The following PDE4D variants were observed in gnomAD, a reference collection of about 807,000 sequenced individuals.
PDE4D encodes the protein phosphodiesterase 4D, also known as 3',5'-cyclic-AMP phosphodiesterase 4D.
In PDE4D, 24 loss-of-function variants were observed where a neutral mutation model predicts 87.4. That is an observed-to-expected ratio of 0.27 (90% CI 0.20 to 0.39). PDE4D has a LOEUF of 0.39. Ranked by LOEUF, PDE4D falls within the 10% of genes least tolerant of loss-of-function variation. PDE4D has a pLI of 1.00. For synonymous variants in PDE4D, 384 were observed against 383.2 expected (o/e 1.00, Z -0.02); for missense variants, 714 against 1,041.0 (o/e 0.69, Z 4.32).
chr5:60,390,042 C>T (rs1411178863), intron 1 of PDE4D, among the ~76,000 whole-genome samples: 1 of 152,196 alleles, frequency 6.6e-6, no homozygotes. Flanking sequence ...AGCATCCCTC[C>T]TATTTCCCAC....
intron 1 of PDE4D, among the ~76,000 whole-genome samples, chr5:59,335,875 G>A (rs1777565275): frequency 6.6e-6 from 1 of 152,174 alleles, no homozygotes; most frequent in Non-Finnish European, 1.5e-5. Context: ...CAGCCATTTG[G>A]AATAACTATG....
intron 1 of PDE4D, among the ~76,000 whole-genome samples, chr5:59,601,803 T>G (rs1414544937): frequency 6.6e-6 from 1 of 152,100 alleles, no homozygotes; most frequent in African/African-American, 2.4e-5. Flanking sequence ...GCCCCAAGTG[T>G]AAACTAGCTA....
intron 3 of PDE4D, among the ~76,000 whole-genome samples, chr5:59,188,550 C>T (rs1156600943): frequency 2.6e-5 from 4 of 151,648 alleles, no homozygotes; most frequent in African/African-American, 9.7e-5. Context: ...ACATCATAGC[C>T]TAAAAAAAAA....
At chr5:59,048,345 A>G (rs1761033360) in intron 5 of PDE4D, among the ~76,000 whole-genome samples, 1 of 152,232 alleles carries the variant, frequency 6.6e-6, no homozygotes, top group Admixed American at 6.5e-5. Context: ...ATCATATACT[A>G]TCAATCTTAG....
intron 1 of PDE4D, among the ~76,000 whole-genome samples, chr5:59,859,252 G>C (rs1745906416): frequency 6.6e-6 from 1 of 152,116 alleles, no homozygotes; most frequent in South Asian, 2.1e-4. Context: ...TTAAAGACAT[G>C]AGAGGTGCCT....
At chr5:60,258,559 C>A (rs1321073433) in intron 1 of PDE4D, among the ~76,000 whole-genome samples, 1 of 151,708 alleles carries the variant, frequency 6.6e-6, no homozygotes, top group East Asian at 1.9e-4. Context: ...AGCAGTTTGC[C>A]AATAAGTGTT....
chr5:60,293,057 G>A lies in PDE4D; in HGVS notation c.-89-107370C>T, dbSNP rs76475808. Among the ~76,000 whole-genome samples, 237 of 151,326 alleles carry A rather than the reference G, an allele frequency of 1.6e-3. 4 individuals carry two copies. Among genetic ancestry groups the A allele is most frequent in the Non-Finnish European group, 4.4e-4 (30 of 67,870 alleles). Reference sequence around the variant, plus strand: ...GTTTCACTCTTTCACCCACGCTAGAGTGAAGTGTTATGATCTCGGCTCACT... The same window carrying A: ...GTTTCACTCTTTCACCCACGCTAGAATGAAGTGTTATGATCTCGGCTCACT... On this transcript the variant is annotated intron_variant, in intron 1 of 16. Coordinates refer to the PDE4D transcript ENST00000502484.
At chr5:60,243,720 T>C (rs181794556) in intron 1 of PDE4D, among the ~76,000 whole-genome samples, 444 of 152,000 alleles carry the variant, frequency 2.9e-3, no homozygotes, top group African/African-American at 0.01. Context: ...ACCATTTCAA[T>C]TGATGCTGAA....
intron 1 of PDE4D, among the ~76,000 whole-genome samples, chr5:60,431,549 T>C (rs552700891): frequency 1.6e-3 from 218 of 138,490 alleles, no homozygotes; most frequent in African/African-American, 5.9e-3. Context: ...ACTTCCTAGA[T>C]GGGATGGCGG....
intron 3 of PDE4D, among the ~76,000 whole-genome samples, chr5:59,918,186 C>T (rs1455482349): frequency 1.3e-5 from 2 of 151,502 alleles, no homozygotes; most frequent in African/African-American, 4.8e-5. Context: ...AAAAAATAAG[C>T]TTTATACTCA....
intron 1 of PDE4D, among the ~76,000 whole-genome samples, chr5:59,327,132 TACACACACACACACACACACAC>T (rs3061651): frequency 7.1e-6 from 1 of 141,780 alleles, no homozygotes. Context: ...GAAACAGAAA[TACACACACACACACACACACAC>T]ACACACACAC....
intron 1 of PDE4D, among the ~76,000 whole-genome samples, chr5:59,657,054 TG>T (rs1216844916): frequency 1.3e-5 from 2 of 152,178 alleles, no homozygotes; most frequent in Admixed American, 6.5e-5. Context: ...ATTCAATAAA[TG>T]GTAGCTACTA....
chr5:59,180,946 G>A (rs1228405591), intron 4 of PDE4D, among the ~76,000 whole-genome samples: 1 of 152,168 alleles, frequency 6.6e-6, no homozygotes, highest in African/African-American at 2.4e-5. Context: ...TTTATTCGCT[G>A]AAGCCAGAGC....
chr5:60,332,358 G>T (rs994212877), intron 1 of PDE4D, among the ~76,000 whole-genome samples: 1 of 152,062 alleles, frequency 6.6e-6, no homozygotes, highest in Non-Finnish European at 1.5e-5. Context: ...GGAGTCCCCA[G>T]TATCTATTGT....
At chr5:59,579,642 C>T (rs778202510) in intron 1 of PDE4D, among the ~76,000 whole-genome samples, 2 of 152,140 alleles carry the variant, frequency 1.3e-5, no homozygotes, top group Non-Finnish European at 2.9e-5. Context: ...CAGAGATAGG[C>T]AGTTTGAACA....
intron 9 of PDE4D, 84 bp from the exon 10 acceptor site, chr5:58,990,003 C>A: frequency 1.3e-6 from 1 of 791,596 alleles, no homozygotes; most frequent in Non-Finnish European, 2.1e-6. Context: ...AAAAATCACA[C>A]ACCAGTGTTG....
At chr5:60,351,572 C>T (rs1202444564) in intron 1 of PDE4D, among the ~76,000 whole-genome samples, 1 of 152,044 alleles carries the variant, frequency 6.6e-6, no homozygotes, top group East Asian at 1.9e-4. Flanking sequence ...GATAACAGAA[C>T]AAGAAGGAAA....
chr5:60,414,771 C>T (rs1236188788), intron 1 of PDE4D, among the ~76,000 whole-genome samples: 1 of 152,206 alleles, frequency 6.6e-6, no homozygotes, highest in Non-Finnish European at 1.5e-5. Flanking sequence ...TGTAAACCTA[C>T]TTGTAATGGA....
At chr5:60,395,906 A>G (rs1298474129) in intron 1 of PDE4D, among the ~76,000 whole-genome samples, 4 of 151,996 alleles carry the variant, frequency 2.6e-5, no homozygotes, top group Admixed American at 2.6e-4. Context: ...CATTACCACC[A>G]CCAGGGGACC....
Sources: gnomAD v4.1 joint callset for allele counts (sites outside exome capture counted in the v4.1 genomes callset) on GRCh38, gnomAD v4.1.1 for gene constraint, MANE v1.5 for transcripts, NCBI Gene and HGNC (gene_info 2026-07-23, HGNC 2026-07-21) for gene names.